The following MAGI2 variants were observed in gnomAD, a reference collection of about 807,000 sequenced individuals.
The protein encoded by MAGI2 is membrane-associated guanylate kinase, WW and PDZ domain-containing protein 2.
In MAGI2, 35 loss-of-function variants were observed where a neutral mutation model predicts 133.3. That is an observed-to-expected ratio of 0.26 (90% confidence interval 0.20 to 0.35). MAGI2 has a LOEUF of 0.35. Ranked by LOEUF, MAGI2 falls within the 10% of genes least tolerant of loss-of-function variation. The pLI is 1.00. For missense variants in MAGI2, 1,636 were observed against 1,863.4 expected, an observed-to-expected ratio of 0.88 and a Z score of 2.25; for synonymous variants, 729 against 710.6, an observed-to-expected ratio of 1.03 and a Z score of -0.41.
intron 2 of MAGI2, among the ~76,000 whole-genome samples, chr7:78,811,188 T>C (rs1007873414): frequency 1.1e-4 from 16 of 151,890 alleles, no homozygotes; most frequent in Middle Eastern, 3.9e-3. Context: ...TTATAGAAAA[T>C]TGAGTAAATT....
intron 6 of MAGI2, among the ~76,000 whole-genome samples, chr7:78,382,857 G>A (rs910265813): frequency 6.6e-6 from 1 of 151,964 alleles, no homozygotes; most frequent in African/African-American, 2.4e-5. Flanking sequence ...GAGGACATAT[G>A]ATATTTGTCT....
intron 1 of MAGI2, among the ~76,000 whole-genome samples, chr7:79,057,740 C>G (rs566876845): frequency 6.6e-6 from 1 of 152,238 alleles, no homozygotes; most frequent in South Asian, 2.1e-4. Flanking sequence ...ATCTTTCTAC[C>G]TGGCCTCATG....
intron 6 of MAGI2, among the ~76,000 whole-genome samples, chr7:78,404,756 C>G (rs974480437): frequency 6.6e-6 from 1 of 151,986 alleles, no homozygotes; most frequent in African/African-American, 2.4e-5. Flanking sequence ...GACACAGGCA[C>G]GGGCAAGGAC....
chr7:78,576,658 C>T (rs147970748), intron 3 of MAGI2, among the ~76,000 whole-genome samples: 2,726 of 152,248 alleles, frequency 0.018, 36 homozygotes, highest in Middle Eastern at 0.034. Context: ...GCTGGGTTTC[C>T]TTCAATTTAT....
At chr7:78,654,137 G>A (rs2151020906) in intron 2 of MAGI2, among the ~76,000 whole-genome samples, 1 of 152,238 alleles carries the variant, frequency 6.6e-6, no homozygotes, top group South Asian at 2.1e-4. Flanking sequence ...TATCTGCATA[G>A]AAATAAAGAG....
chr7:78,505,495 C>A (rs912272972), intron 4 of MAGI2, among the ~76,000 whole-genome samples: 3 of 152,132 alleles, frequency 2.0e-5, no homozygotes, highest in Non-Finnish European at 4.4e-5. Flanking sequence ...TGGCATATTT[C>A]AACATGTAAT....
intron 2 of MAGI2, among the ~76,000 whole-genome samples, chr7:78,819,365 G>A (rs904406202): frequency 6.6e-6 from 1 of 152,056 alleles, no homozygotes; most frequent in African/African-American, 2.4e-5. Context: ...GAAGTTTAAA[G>A]TCAAATTTAC....
At position 78,501,799 on chromosome 7, in the gene MAGI2, C is replaced by A. The variant is rs776615600; in HGVS notation, c.755-12G>T. The A allele has an allele frequency of 5.0e-6, 8 of 1,609,284 alleles. No homozygotes were observed. The East Asian group carries it at 1.3e-4, about 27-fold the overall frequency. On this transcript the variant is annotated splice_polypyrimidine_tract_variant and intron_variant, in intron 4 of 21. Coordinates refer to ENST00000354212, the MANE Select transcript of MAGI2 (RefSeq NM_012301.4). ...ATGTTCACTGGATTCTATAAGAGAACAAGAGCACGTGGTTAGTCACTCCAA... is the reference window on the plus strand; with the variant it reads ...ATGTTCACTGGATTCTATAAGAGAAAAAGAGCACGTGGTTAGTCACTCCAA...
intron 3 of MAGI2, among the ~76,000 whole-genome samples, chr7:78,624,996 G>A (rs942054598): frequency 2.0e-5 from 3 of 152,096 alleles, no homozygotes; most frequent in African/African-American, 7.2e-5. Flanking sequence ...TATCATAGGA[G>A]ATGACAGTTC....
chr7:78,058,368 T>G (rs1397874871), intron 21 of MAGI2, among the ~76,000 whole-genome samples: 1 of 152,110 alleles, frequency 6.6e-6, no homozygotes. Flanking sequence ...TTCCGTGCCC[T>G]TCCCTGGGGA....
At chr7:79,358,788 T>C (rs567881823) in intron 1 of MAGI2, among the ~76,000 whole-genome samples, 1 of 152,240 alleles carries the variant, frequency 6.6e-6, no homozygotes, top group African/African-American at 2.4e-5. Flanking sequence ...TCAGTGGCAC[T>C]AACAAACCAA....
At chr7:79,429,942 A>C (rs375398658) in intron 1 of MAGI2, among the ~76,000 whole-genome samples, 1 of 152,252 alleles carries the variant, frequency 6.6e-6, no homozygotes, top group African/African-American at 2.4e-5. Context: ...GTCACTTAAA[A>C]GCTTTAAAAA....
intron 2 of MAGI2, among the ~76,000 whole-genome samples, chr7:78,679,956 T>A (rs1219395669): frequency 1.3e-5 from 2 of 152,148 alleles, no homozygotes; most frequent in East Asian, 3.9e-4. Context: ...TCAGTCCAAC[T>A]GGTGATGAGA....
intron 1 of MAGI2, among the ~76,000 whole-genome samples, chr7:79,215,329 G>C (rs1157945761): frequency 6.6e-6 from 1 of 152,012 alleles, no homozygotes; most frequent in Non-Finnish European, 1.5e-5. Flanking sequence ...CCGCAAAACT[G>C]TCTTTCAAGG....
At position 79,063,654 on chromosome 7, in the gene MAGI2, C is replaced by A. The variant is rs573560688; in HGVS notation, c.302-56448G>T. Among the ~76,000 whole-genome samples, 114 of 152,168 alleles carry A rather than the reference C, an allele frequency of 7.5e-4. 1 individual carries two copies. The highest frequency in any genetic ancestry group is 7.4e-3 in the Admixed American group (113 of 15,244). The stretch of plus-strand genomic sequence containing the variant: ...TTTAAGCTACTCTGTATTTTTCATA[C>A]TTTATCGCTGAAATCAAACAGTTGA... On this transcript the variant is annotated intron_variant, in intron 1 of 21. Coordinates refer to ENST00000354212, the MANE Select transcript of MAGI2 (RefSeq NM_012301.4).
chr7:78,332,281 T>G (rs1185194799), intron 9 of MAGI2, among the ~76,000 whole-genome samples: 1 of 152,262 alleles, frequency 6.6e-6, no homozygotes, highest in African/African-American at 2.4e-5. Context: ...AATGTTTTGC[T>G]GAAGCATAGC....
intron 2 of MAGI2, among the ~76,000 whole-genome samples, chr7:78,974,826 C>T (rs1406221762): frequency 1.3e-5 from 2 of 151,696 alleles, no homozygotes; most frequent in Admixed American, 6.6e-5. Context: ...GAACATCATC[C>T]ACCTAACCAA....
chr7:78,539,613 G>T (rs1292370811), intron 3 of MAGI2, among the ~76,000 whole-genome samples: 1 of 152,122 alleles, frequency 6.6e-6, no homozygotes, highest in Non-Finnish European at 1.5e-5. Flanking sequence ...TCAGTTCAAA[G>T]AATTTTTAAA....
intron 2 of MAGI2, among the ~76,000 whole-genome samples, chr7:78,928,397 A>G (rs1250033590): frequency 2.0e-5 from 3 of 151,338 alleles, no homozygotes; most frequent in South Asian, 2.1e-4. Context: ...TTATTCAGAC[A>G]CTAATTAATT....
Sources: allele counts gnomAD v4.1 joint callset (sites outside exome capture counted in the v4.1 genomes callset), GRCh38; gene constraint gnomAD v4.1.1; transcripts MANE v1.5; gene names NCBI Gene and HGNC (gene_info 2026-07-23, HGNC 2026-07-21).